The following ATP2B4 variants were observed in gnomAD, a reference collection of about 807,000 sequenced individuals.
ATP2B4 encodes the protein plasma membrane calcium-transporting ATPase 4.
Under a neutral mutation model 110.3 loss-of-function variants are expected in ATP2B4, and 39 were observed. The observed-to-expected ratio is 0.35, with a 90% CI of 0.27 to 0.46. ATP2B4 has a LOEUF of 0.46. Ranked by LOEUF, ATP2B4 falls within the 20% of genes least tolerant of loss-of-function variation. The pLI, the probability that ATP2B4 is intolerant of heterozygous loss-of-function variation, is 1.00. For synonymous variants in ATP2B4, 538 were observed against 571.7 expected (o/e 0.94, Z 0.84); for missense variants, 1,135 against 1,530.9 (o/e 0.74, Z 4.32).
At chr1:203,684,342 A>AC (rs1358563563) in intron 2 of ATP2B4, among the ~76,000 whole-genome samples, 1 of 136,150 alleles carries the variant, frequency 7.3e-6, no homozygotes, top group Non-Finnish European at 1.6e-5. Context: ...ACATAATAAC[A>AC]CCCCATCTCT....
intron 1 of ATP2B4, among the ~76,000 whole-genome samples, chr1:203,678,472 C>G (rs1382897825): frequency 6.7e-6 from 1 of 149,036 alleles, no homozygotes; most frequent in African/African-American, 2.5e-5. Context: ...ACACAGCTCA[C>G]TGCACACTGC....
At position 203,720,570 on chromosome 1, in the gene ATP2B4, G is replaced by A. The variant is rs1251398569; in HGVS notation, c.2428G>A (p.Ala810Thr). 4.3e-6 allele frequency: 7 copies of A among 1,610,728 alleles called. No homozygotes were observed. Among genetic ancestry groups the A allele is most frequent in the South Asian group, 3.3e-5 (3 of 90,420 alleles). The change falls in exon 16 of 21, where the codon GCA (alanine) becomes ACA (threonine). Residue 810 changes from alanine to threonine, a missense_variant. Transcript: ENST00000357681. ...TCAGGGCATCGCAGGCACAGATGTA[G>A]CAAAGGAGGCTTCAGACATCATCCT... ...FAMGIAGTDVAKEASDIILTD... is the reference protein window; with the variant it reads ...FAMGIAGTDVTKEASDIILTD...
chr1:203,698,218 C>T lies in ATP2B4; in HGVS notation c.255C>T (p.Ile85=). 1.9e-6 allele frequency: 3 copies of T among 1,614,102 alleles called. No individual in the cohort carries two copies. Among genetic ancestry groups the T allele is most frequent in the Non-Finnish European group, 2.5e-6 (3 of 1,179,996 alleles). ...KRRQVFGHNV[I]PPKKPKTFLE... ...GGCAGGTGTTTGGACACAACGTGAT[C>T]CCCCCCAAAAAGCCCAAGACTTTCT... is the stretch of plus-strand genomic sequence containing the variant. The change falls in exon 3 of 21, where the codon ATC becomes ATT. Residue 85 remains isoleucine (I), a synonymous_variant. Transcript: ENST00000357681.
chr1:203,723,157 A>G (rs531769561), intron 18 of ATP2B4, among the ~76,000 whole-genome samples: 54 of 152,216 alleles, frequency 3.5e-4, no homozygotes, highest in African/African-American at 1.3e-3. Flanking sequence ...TGTATATTAC[A>G]TAGTCAGCCC....
chr1:203,692,178 C>A (rs1040466838), intron 2 of ATP2B4, among the ~76,000 whole-genome samples: 4 of 149,284 alleles, frequency 2.7e-5, no homozygotes, highest in South Asian at 2.1e-4. Flanking sequence ...CCACACCCGG[C>A]CTTTTTTTTC....
chr1:203,690,358 A>G lies in ATP2B4; in HGVS notation c.193+6960A>G, dbSNP rs74764507. On this transcript the variant is annotated intron_variant, in intron 2 of 20. Transcript: ENST00000357681. ...ACATATCCCAAGTAAATGTTCACCT[A>G]CAAGACTATTGCCTTACTATTAATA... is the stretch of plus-strand genomic sequence containing the variant. Among the ~76,000 whole-genome samples, 484 of 152,364 alleles carry G rather than the reference A, an allele frequency of 3.2e-3. 2 individuals carry two copies. The highest frequency in any genetic ancestry group is 0.011 in the African/African-American group (462 of 41,578).
At chr1:203,708,674 T>C (rs1665918770) in intron 10 of ATP2B4, among the ~76,000 whole-genome samples, 1 of 152,160 alleles carries the variant, frequency 6.6e-6, no homozygotes, top group African/African-American at 2.4e-5. Flanking sequence ...CTGAGCAATA[T>C]TGTGAGACCT....
chr1:203,655,110 CATG>C (rs1288862995), intron 1 of ATP2B4, among the ~76,000 whole-genome samples: 1 of 152,082 alleles, frequency 6.6e-6, no homozygotes, highest in Non-Finnish European at 1.5e-5. Context: ...GCTGCCATCT[CATG>C]ATAAAACTTG....
chr1:203,679,035 TGA>T (rs527886446), intron 1 of ATP2B4, among the ~76,000 whole-genome samples: 30 of 152,152 alleles, frequency 2.0e-4, no homozygotes, highest in African/African-American at 7.2e-4. Flanking sequence ...GAGGAAGAGA[TGA>T]GAGAGTTAGC....
At chr1:203,677,323 T>C (rs1438905192) in intron 1 of ATP2B4, among the ~76,000 whole-genome samples, 1 of 152,112 alleles carries the variant, frequency 6.6e-6, no homozygotes, top group Non-Finnish European at 1.5e-5. Context: ...AACAAATATT[T>C]TTTTCCCAAC....
At chr1:203,711,399 C>T (rs1055300976) in intron 12 of ATP2B4, among the ~76,000 whole-genome samples, 3 of 152,152 alleles carry the variant, frequency 2.0e-5, no homozygotes, top group Non-Finnish European at 4.4e-5. Context: ...CTTTAGCTCC[C>T]TCCTTTCAAT....
chr1:203,645,929 C>G (rs1007021922), intron 1 of ATP2B4, among the ~76,000 whole-genome samples: 14 of 152,026 alleles, frequency 9.2e-5, no homozygotes, highest in African/African-American at 3.4e-4. Context: ...TAGTTAAACC[C>G]TACCTTATCG....
chr1:203,646,308 A>AC (rs1426878642), intron 1 of ATP2B4, among the ~76,000 whole-genome samples: 4 of 151,978 alleles, frequency 2.6e-5, no homozygotes, highest in African/African-American at 9.7e-5. Context: ...TGGAATTCAA[A>AC]CCATGGCTCT....
intron 20 of ATP2B4, among the ~76,000 whole-genome samples, chr1:203,737,161 G>A (rs1666897071): frequency 1.3e-5 from 2 of 152,138 alleles, no homozygotes; most frequent in South Asian, 4.1e-4. Context: ...CAGGTGAGAG[G>A]AAAAGCCAAC....
In ATP2B4 at chr1:203,734,208, C is replaced by A. The variant is rs143719418; in HGVS notation, c.3310-5338C>A. 1.7e-3 allele frequency among the ~76,000 whole-genome samples: 263 copies of A among 151,392 alleles called. 1 individual carries two copies. Among genetic ancestry groups the A allele is most frequent in the African/African-American group, 6.0e-3 (248 of 41,186 alleles). ...CCTATAGCTACTCGGGAGGCTAAGA[C>A]AGGAGAATCACTTGAACTCAGGAGG... On this transcript the variant is annotated intron_variant, in intron 20 of 20. Coordinates refer to ENST00000357681, the MANE Select transcript of ATP2B4 (RefSeq NM_001684.5).
rs1013479833 is a variant in ATP2B4 at position 203,728,252 on chromosome 1, C to T, written c.3309+681C>T. ...ATTTCTGAAATGGGATAGAAGCCAC[C>T]CCTGCTGCTCTTATGTCCCCTGTCT... On this transcript the variant is annotated intron_variant, in intron 20 of 20. Coordinates refer to ENST00000357681, the MANE Select transcript of ATP2B4 (RefSeq NM_001684.5). 8.6e-6 allele frequency: 4 copies of T among 462,690 alleles called. No individual in the cohort carries two copies. In the Admixed American group the frequency reaches 1.0e-4, roughly 12 times the overall value. 28.7% of individuals were successfully genotyped at this position (462,690 alleles called of 1,614,324 possible).
Position 203,698,354 on chromosome 1 carries a change from C to T in ATP2B4, c.391C>T (p.Leu131=), listed in dbSNP as rs777154265. ...TCGCCCTGCTGGTGAAGAAAATGAA[C>T]GTGAGTGTCCTAAACAGCTCAGCGT... is the stretch of plus-strand genomic sequence containing the variant. ...FYRPAGEENE[L]CGQVATTPED... is the part of the protein sequence containing the mutation. The change falls in exon 3 of 21, where the codon CTG becomes TTG. Residue 131 remains leucine, a splice_region_variant and synonymous_variant. Coordinates refer to ENST00000357681, the MANE Select transcript of ATP2B4 (RefSeq NM_001684.5). The T allele has an allele frequency of 3.9e-5, 63 of 1,613,810 alleles. 2 individuals carry two copies. In the South Asian group the frequency reaches 5.5e-4, roughly 14 times the overall value.
chr1:203,654,820 G>A (rs879002492), intron 1 of ATP2B4, among the ~76,000 whole-genome samples: 8 of 151,642 alleles, frequency 5.3e-5, no homozygotes, highest in Admixed American at 5.2e-4. Flanking sequence ...CTGAGAGGTC[G>A]AGGGTGCAGT....
chr1:203,647,649 C>T (rs1266931943), intron 1 of ATP2B4, among the ~76,000 whole-genome samples: 1 of 151,872 alleles, frequency 6.6e-6, no homozygotes, highest in East Asian at 1.9e-4. Flanking sequence ...GTCTCAGTTA[C>T]TCGGGAGGCT....
Sources: allele counts gnomAD v4.1 joint callset (sites outside exome capture counted in the v4.1 genomes callset), GRCh38; gene constraint gnomAD v4.1.1; transcripts MANE v1.5; gene names NCBI Gene and HGNC (gene_info 2026-07-23, HGNC 2026-07-21).